The following PLCH1 variants were observed in gnomAD, a reference collection of about 807,000 sequenced individuals.
PLCH1 encodes the protein 1-phosphatidylinositol 4,5-bisphosphate phosphodiesterase eta-1.
A neutral mutation model predicts 126.7 loss-of-function variants in PLCH1; 60 were observed. The ratio of observed to expected loss-of-function variants is 0.47; its 90% CI spans 0.38 to 0.59. The LOEUF (loss-of-function observed/expected upper bound fraction) is 0.59, where lower values mean the gene tolerates loss of function less well. Among genes scored for constraint, PLCH1 ranks in the 20% least tolerant of loss-of-function variants. The pLI, the probability that PLCH1 is intolerant of heterozygous loss-of-function variation, is 0.00. For synonymous variants in PLCH1, 719 were observed against 734.9 expected, an observed-to-expected ratio of 0.98 and a Z score of 0.35; for missense variants, 1,723 against 2,040.0, an observed-to-expected ratio of 0.84 and a Z score of 2.99.
At chr3:155,666,122 T>A (rs1252585821) in intron 2 of PLCH1, among the ~76,000 whole-genome samples, 1 of 152,216 alleles carries the variant, frequency 6.6e-6, no homozygotes, top group African/African-American at 2.4e-5. Flanking sequence ...GCAATAAACT[T>A]ACTTATACAT....
chr3:155,563,039 C>T (rs1321335914), intron 8 of PLCH1, among the ~76,000 whole-genome samples: 2 of 152,176 alleles, frequency 1.3e-5, no homozygotes, highest in Non-Finnish European at 2.9e-5. Flanking sequence ...TTTCTGTTCC[C>T]TGTGGCATTT....
Position 155,593,944 on chromosome 3 carries a change from T to A in PLCH1, c.467A>T (p.Asp156Val). 6.2e-7 allele frequency: 1 copy of A among 1,614,002 alleles called. No homozygotes were observed. Among genetic ancestry groups the A allele is most frequent in the Non-Finnish European group, 8.5e-7 (1 of 1,179,960 alleles). The change falls in exon 4 of 23, where the codon GAC (aspartate) becomes GTC (valine). Residue 156 changes from aspartate to valine, a missense_variant. This residue lies in a region of PLCH1 where 776 missense variants were observed against 1,062.9 expected (regional missense o/e 0.73). Transcript: ENST00000460012. ...DSLAKRQRTH[D>V]QWVKQTFEEA... Reference sequence around the variant, plus strand: ...AATAAAGTTCTAGAAAGGATATTGGTCATGGGTCCTCTGCCTTTTGGCAAG... The same window carrying A: ...AATAAAGTTCTAGAAAGGATATTGGACATGGGTCCTCTGCCTTTTGGCAAG...
chr3:155,731,545 A>T (rs1748772242), intron 1 of PLCH1, among the ~76,000 whole-genome samples: 1 of 152,144 alleles, frequency 6.6e-6, no homozygotes, highest in Non-Finnish European at 1.5e-5. Flanking sequence ...GACCACCCAC[A>T]CAGCACACCA....
chr3:155,653,951 CA>C (rs895525509), intron 2 of PLCH1, among the ~76,000 whole-genome samples: 2 of 151,258 alleles, frequency 1.3e-5, no homozygotes, highest in African/African-American at 2.4e-5. Context: ...AGGAAAAACT[CA>C]AAAAAAATTG....
chr3:155,673,954 A>G (rs1403450706), intron 2 of PLCH1, among the ~76,000 whole-genome samples: 1 of 152,162 alleles, frequency 6.6e-6, no homozygotes, highest in Non-Finnish European at 1.5e-5. Context: ...GTACAACTAT[A>G]CCATCTTACA....
rs185711383 is a variant in PLCH1, at chr3:155,505,663, A to T, written c.1633-1037T>A. Reference sequence around the variant, plus strand: ...GCAGTTCAAAAAATGCTGGAGGAGTAATGGTGAGGGGTTTACAAGGTGATT... The same window carrying T: ...GCAGTTCAAAAAATGCTGGAGGAGTTATGGTGAGGGGTTTACAAGGTGATT... On this transcript the variant is annotated intron_variant, in intron 12 of 22. Coordinates refer to ENST00000460012, the MANE Select transcript of PLCH1 (RefSeq NM_014996.4). 2.0e-5 allele frequency among the ~76,000 whole-genome samples: 3 copies of T among 152,248 alleles called. No individual in the cohort carries two copies. In the East Asian group the frequency reaches 5.8e-4, roughly 30 times the overall value.
intron 21 of PLCH1, among the ~76,000 whole-genome samples, chr3:155,464,425 G>A (rs538138874): frequency 1.3e-5 from 2 of 152,280 alleles, no homozygotes; most frequent in African/African-American, 4.8e-5. Flanking sequence ...CACTGCTGCA[G>A]GCAACTCCCC....
chr3:155,511,564 C>T (rs1719493920), intron 12 of PLCH1, among the ~76,000 whole-genome samples: 1 of 132,254 alleles, frequency 7.6e-6, no homozygotes. Context: ...TGTTAGTTTT[C>T]CTTCTAACAG....
In PLCH1 at chr3:155,482,296, G is replaced by A. The variant is rs368288540; in HGVS notation, c.3730C>T (p.Leu1244=). ...FCKGKSKSSF[L]CSSPELIALS... The stretch of plus-strand genomic sequence containing the variant: ...GCTATCAGCTCCGGAGATGAGCACA[G>A]GAAGGAAGACTTGGATTTTCCCTTG... Residue 1244 remains leucine (L), a synonymous_variant, in exon 23 of 23, where the codon CTG becomes TTG. Transcript: ENST00000460012. 12 of 1,614,100 alleles carry A rather than the reference G, an allele frequency of 7.4e-6. No homozygotes were observed. The highest frequency in any genetic ancestry group is 1.0e-5 in the Non-Finnish European group (12 of 1,180,056).
intron 18 of PLCH1, 136 bp from the exon 19 acceptor site, chr3:155,491,004 G>C (rs1057150886): frequency 3.5e-6 from 2 of 578,000 alleles, no homozygotes; most frequent in Admixed American, 3.1e-5. Flanking sequence ...AAAAAGAAAT[G>C]GTACTAGGTG....
chr3:155,542,237 C>T (rs1244653253), intron 10 of PLCH1, among the ~76,000 whole-genome samples: 4 of 152,196 alleles, frequency 2.6e-5, no homozygotes, highest in Non-Finnish European at 4.4e-5. Flanking sequence ...GATTATATCC[C>T]GCACCTGGCT....
At chr3:155,532,324 G>A (rs977675952) in intron 10 of PLCH1, among the ~76,000 whole-genome samples, 1 of 152,202 alleles carries the variant, frequency 6.6e-6, no homozygotes, top group African/African-American at 2.4e-5. Flanking sequence ...GCAGACTGCT[G>A]TTCCAAGCTC....
chr3:155,546,995 T>C (rs1245330275), intron 10 of PLCH1, among the ~76,000 whole-genome samples: 26 of 144,180 alleles, frequency 1.8e-4, no homozygotes, highest in African/African-American at 4.9e-4. Flanking sequence ...ACTTCATGTC[T>C]AAAACACCAA....
At chr3:155,514,664 A>C (rs1341102796) in intron 12 of PLCH1, 59 bp downstream of exon 12, 1 of 1,132,194 alleles carries the variant, frequency 8.8e-7, no homozygotes, top group East Asian at 2.8e-5. Flanking sequence ...GATTAGAAAC[A>C]AAGTATGAGA....
At chr3:155,537,183 C>T (rs1294540340) in intron 10 of PLCH1, among the ~76,000 whole-genome samples, 2 of 77,200 alleles carry the variant, frequency 2.6e-5, no homozygotes, top group Non-Finnish European at 4.5e-5. Context: ...CAAGCTAGCA[C>T]TACAAAAAAA....
At chr3:155,657,144 G>T (rs1406014834) in intron 2 of PLCH1, among the ~76,000 whole-genome samples, 1 of 151,634 alleles carries the variant, frequency 6.6e-6, no homozygotes, top group Non-Finnish European at 1.5e-5. Flanking sequence ...AGAGACTTCT[G>T]CTTCCAACCA....
intron 2 of PLCH1, among the ~76,000 whole-genome samples, chr3:155,634,799 C>T (rs1403766693): frequency 6.6e-6 from 1 of 152,174 alleles, no homozygotes; most frequent in African/African-American, 2.4e-5. Flanking sequence ...GTTCAGGGAC[C>T]AGCTATGTTC....
Position 155,570,883 on chromosome 3 carries a change from C to T in PLCH1, c.772-2559G>A, listed in dbSNP as rs566101892. ...CTGAAACTCCTAAATCATTTCTTTA[C>T]TTCAAATCAATTATTACAATTTAAC... On this transcript the variant is annotated intron_variant, in intron 6 of 22. Transcript: ENST00000460012. Among the ~76,000 whole-genome samples, 90 of 152,198 alleles carry T rather than the reference C, an allele frequency of 5.9e-4. 3 individuals are homozygous for T. In the South Asian group the frequency reaches 0.018, roughly 31 times the overall value.
intron 2 of PLCH1, among the ~76,000 whole-genome samples, chr3:155,663,244 T>C (rs1437476207): frequency 6.6e-6 from 1 of 152,344 alleles, no homozygotes; most frequent in South Asian, 2.1e-4. Context: ...TTCTACATCC[T>C]CTTAAAATCT....
Sources: allele counts gnomAD v4.1 joint callset (sites outside exome capture counted in the v4.1 genomes callset), GRCh38; gene constraint gnomAD v4.1.1; regional missense constraint gnomAD v4.1.1; transcripts MANE v1.5; gene names NCBI Gene and HGNC (gene_info 2026-07-23, HGNC 2026-07-21).